The following ADGRD1 variants were observed in gnomAD, a reference collection of about 807,000 sequenced individuals.
ADGRD1 encodes the protein adhesion G protein-coupled receptor D1, also known as G-protein coupled receptor 133.
Under a neutral mutation model 113.4 loss-of-function variants are expected in ADGRD1, and 77 were observed. The ratio of observed to expected loss-of-function variants is 0.68; its 90% CI spans 0.57 to 0.82. ADGRD1 has a LOEUF of 0.82. Ranked by LOEUF, ADGRD1 falls within the 40% of genes least tolerant of loss-of-function variation. ADGRD1 has a pLI of 0.00. For synonymous variants in ADGRD1, 474 were observed against 475.0 expected (o/e 1.00, Z 0.03); for missense variants, 1,036 against 1,139.1 (o/e 0.91, Z 1.30).
Position 130,987,349 on chromosome 12 carries a change from G to C in ADGRD1, c.745G>C (p.Gly249Arg). 2.5e-6 allele frequency: 4 copies of C among 1,613,998 alleles called. No individual in the cohort carries two copies. Among genetic ancestry groups the C allele is most frequent in the Non-Finnish European group, 3.4e-6 (4 of 1,179,994 alleles). The change falls in exon 6 of 25, where the codon GGA (glycine) becomes CGA (arginine). Residue 249 changes from glycine to arginine, a missense_variant and splice_region_variant. Gly to Arg is a moderately radical substitution (Grantham distance 125). Coordinates refer to ENST00000261654, the MANE Select transcript of ADGRD1 (RefSeq NM_198827.5). The part of the protein sequence containing the change: ...EIAMYFTAAI[G>R]KHALLSSTLP... ...CGCCATGTACTTCACTGCTGCCATTGGTCAGTGAGTGTGAAGGGCTGGGGC... is the reference window on the plus strand; with the variant it reads ...CGCCATGTACTTCACTGCTGCCATTCGTCAGTGAGTGTGAAGGGCTGGGGC...
chr12:131,082,608 C>T (rs923511514), intron 14 of ADGRD1, among the ~76,000 whole-genome samples: 1 of 152,134 alleles, frequency 6.6e-6, no homozygotes, highest in Non-Finnish European at 1.5e-5. Context: ...AAGTATGGTA[C>T]TTATGCAGCC....
intron 12 of ADGRD1, among the ~76,000 whole-genome samples, chr12:131,013,526 T>A (rs1411770350): frequency 5.9e-5 from 9 of 152,064 alleles, no homozygotes; most frequent in Non-Finnish European, 1.2e-4. Context: ...TGGGTGTCAT[T>A]CCTAAATGGT....
chr12:130,962,302 TG>T (rs1306280438), intron 2 of ADGRD1: 2 of 152,294 alleles, frequency 1.3e-5, no homozygotes, highest in Non-Finnish European at 2.9e-5. Context: ...GAACTCTGGC[TG>T]GCTTTGGGGT....
In ADGRD1 at chr12:130,997,408, G is replaced by A. The variant is rs1225405790; in HGVS notation, c.967-2975G>A. Among the ~76,000 whole-genome samples the A allele has an allele frequency of 3.9e-4, 45 of 114,992 alleles. No individual in the cohort carries two copies. The South Asian group carries it at 0.011, about 27-fold the overall frequency. 75.4% of individuals were successfully genotyped at this position (114,992 alleles called of 152,430 possible). ...CGGAGGGGCTCCTCACTTCTCAGAC[G>A]GGGCGGCTGCCGGGCGGAGGGGCTC... On this transcript the variant is annotated intron_variant, in intron 8 of 24. Coordinates refer to ENST00000261654, the MANE Select transcript of ADGRD1 (RefSeq NM_198827.5).
rs374777347 is a variant in ADGRD1 at position 131,084,772 on chromosome 12, T to C, written c.1671+109T>C. The C allele has an allele frequency of 1.7e-5, 20 of 1,154,306 alleles. No individual in the cohort carries two copies. The highest frequency in any genetic ancestry group is 2.3e-4 in the Middle Eastern group (1 of 4,280). The allele number at this position is 1,154,306 out of a possible 1,614,324, so 71.5% of individuals were successfully genotyped here. A position where few individuals can be genotyped will look rare whatever the true frequency, so the allele number is the denominator to read the frequency against. On this transcript the variant is annotated intron_variant, in intron 15 of 24. Transcript: ENST00000261654. This position sits in a 1 kb window ranked among gnomAD's most constrained non-coding sequence, Gnocchi z 4.5. ...CAGTGCCCACGGGCCCTGGGCACATTACTCCATGGGGCCTGTGTTTACAGA... is the reference window on the plus strand; with the variant it reads ...CAGTGCCCACGGGCCCTGGGCACATCACTCCATGGGGCCTGTGTTTACAGA...
intron 13 of ADGRD1, among the ~76,000 whole-genome samples, chr12:131,015,395 C>G (rs35587396): frequency 0.2 from 28,394 of 144,378 alleles, 3,536 homozygotes; most frequent in African/African-American, 0.37. Context: ...TTGAGATGGA[C>G]ATGGGAATGG....
chr12:131,136,889 C>A, intron 22 of ADGRD1, 84 bp from the exon 23 acceptor site: 1 of 1,134,374 alleles, frequency 8.8e-7, no homozygotes, highest in East Asian at 2.3e-5. Context: ...CAGTGCCACT[C>A]CCAGGCTGCA....
At chr12:130,972,720 CG>C (rs112690393) in intron 4 of ADGRD1, among the ~76,000 whole-genome samples, 4,641 of 151,984 alleles carry the variant, frequency 0.031, 236 homozygotes, top group African/African-American at 0.11. Context: ...TCGGGAAGGG[CG>C]GGGGCATATC....
At chr12:131,121,384 G>GT (rs1363403300) in intron 20 of ADGRD1, among the ~76,000 whole-genome samples, 1 of 152,108 alleles carries the variant, frequency 6.6e-6, no homozygotes, top group African/African-American at 2.4e-5. Flanking sequence ...TTTTGTTGTT[G>GT]TTTTTGTTAT....
At chr12:131,036,007 C>T (rs1357254013) in intron 13 of ADGRD1, among the ~76,000 whole-genome samples, 1 of 152,130 alleles carries the variant, frequency 6.6e-6, no homozygotes, top group African/African-American at 2.4e-5. Context: ...TTTTTGTTTA[C>T]CTGCTTTAAA....
rs115581716 is a variant in ADGRD1 at position 131,105,757 on chromosome 12, C to T, written c.1779C>T (p.Ser593=). ...CACACCCTGCCTCTGTCCTCAGCTCCGTGAGCACCATCCGGAACCAGCGCT... is the reference window on the plus strand; with the variant it reads ...CACACCCTGCCTCTGTCCTCAGCTCTGTGAGCACCATCCGGAACCAGCGCT... The part of the protein sequence containing the change: ...ATLVTFAVLS[S]VSTIRNQRYH... Residue 593 remains serine, a synonymous_variant, in exon 17 of 25, where the codon TCC becomes TCT. Coordinates refer to ENST00000261654, the MANE Select transcript of ADGRD1 (RefSeq NM_198827.5). 4.1e-4 allele frequency: 656 copies of T among 1,600,426 alleles called. 5 individuals carry two copies. In the African/African-American group the frequency reaches 7.7e-3, roughly 19 times the overall value.
intron 13 of ADGRD1, among the ~76,000 whole-genome samples, chr12:131,031,546 G>T (rs1259242124): frequency 2.0e-5 from 3 of 152,042 alleles, no homozygotes; most frequent in Non-Finnish European, 4.4e-5. Context: ...TTTTCCCAAG[G>T]TTCCAGGATT....
At chr12:131,002,451 T>G in intron 9 of ADGRD1, 6 of 891,040 alleles carry the variant, frequency 6.7e-6, no homozygotes, top group Non-Finnish European at 8.1e-6. Flanking sequence ...CTGAAGTGCG[T>G]GTTTGTGGGA....
chr12:131,098,727 T>C (rs1593211321), intron 15 of ADGRD1, among the ~76,000 whole-genome samples: 1 of 152,228 alleles, frequency 6.6e-6, no homozygotes, highest in Non-Finnish European at 1.5e-5. Flanking sequence ...TGTGTTTCCA[T>C]CACAGCCTCA....
At chr12:131,034,655 T>C (rs1199098374) in intron 13 of ADGRD1, among the ~76,000 whole-genome samples, 1 of 152,206 alleles carries the variant, frequency 6.6e-6, no homozygotes, top group Non-Finnish European at 1.5e-5. Context: ...GAACCTGGCA[T>C]ATGACAGGGT....
At chr12:131,080,197 AT>A (rs1346936459) in intron 14 of ADGRD1, among the ~76,000 whole-genome samples, 1 of 152,096 alleles carries the variant, frequency 6.6e-6, no homozygotes, top group Non-Finnish European at 1.5e-5. Context: ...ATATTTTCTA[AT>A]TTTCCTTGTG....
chr12:131,122,252 G>T (rs964834020), intron 20 of ADGRD1, among the ~76,000 whole-genome samples: 1 of 152,166 alleles, frequency 6.6e-6, no homozygotes, highest in African/African-American at 2.4e-5. Context: ...TGCAAGCAGA[G>T]GTGGTCGCGA....
chr12:131,006,327 C>A (rs1435124333), intron 12 of ADGRD1, among the ~76,000 whole-genome samples: 1 of 152,268 alleles, frequency 6.6e-6, no homozygotes, highest in African/African-American at 2.4e-5. Context: ...GGGACTTAAC[C>A]TCTCTGAGCC....
chr12:131,071,473 T>A (rs968392477), intron 13 of ADGRD1, among the ~76,000 whole-genome samples: 1 of 151,978 alleles, frequency 6.6e-6, no homozygotes, highest in African/African-American at 2.4e-5. Flanking sequence ...GGAAGGGTAA[T>A]GTGAGTGGGG....
Sources: gnomAD v4.1 joint callset for allele counts (sites outside exome capture counted in the v4.1 genomes callset) on GRCh38, gnomAD v4.1.1 for gene constraint, Gnocchi (gnomAD v3.1) non-coding constraint, MANE v1.5 for transcripts, NCBI Gene and HGNC (gene_info 2026-07-23, HGNC 2026-07-21) for gene names.